DMRT1: variants seen among roughly 807,000 people sequenced by gnomAD.
DMRT1 encodes the protein doublesex- and mab-3-related transcription factor 1.
DMRT1 carries 7 observed loss-of-function variants against 32.3 expected under a neutral mutation model. The ratio of observed to expected loss-of-function variants is 0.22; its 90% confidence interval spans 0.12 to 0.41. The LOEUF (loss-of-function observed/expected upper bound fraction) is 0.41. Ranked by LOEUF, DMRT1 falls within the 10% of genes least tolerant of loss-of-function variation. DMRT1 has a pLI of 1.00. For missense variants in DMRT1, 625 were observed against 500.5 expected, an observed-to-expected ratio of 1.25 and a Z score of -2.37; for synonymous variants, 278 against 206.1, an observed-to-expected ratio of 1.35 and a Z score of -2.99.
At chr9:915,767 C>G (rs972456728) in intron 3 of DMRT1, among the ~76,000 whole-genome samples, 1 of 150,256 alleles carries the variant, frequency 6.7e-6, no homozygotes, top group African/African-American at 2.5e-5. Flanking sequence ...GAGTCTCGCT[C>G]TGTCGCCCAG....
chr9:933,229 C>G (rs1354384623), intron 4 of DMRT1, among the ~76,000 whole-genome samples: 1 of 152,132 alleles, frequency 6.6e-6, no homozygotes, highest in East Asian at 1.9e-4. Context: ...GAGCTCCAAG[C>G]TTTTAATCAA....
intron 2 of DMRT1, among the ~76,000 whole-genome samples, chr9:850,167 C>T (rs1589446195): frequency 1.3e-5 from 2 of 152,182 alleles, no homozygotes; most frequent in African/African-American, 2.4e-5. Flanking sequence ...GCAGGAGCCA[C>T]AGGTTGCTGT....
chr9:847,676 T>C (rs5012755), intron 2 of DMRT1, among the ~76,000 whole-genome samples: 106,221 of 151,820 alleles, frequency 0.7, 38,003 homozygotes, highest in Middle Eastern at 0.78. Flanking sequence ...TAGACAGTTA[T>C]GGGATTGGCC....
intron 4 of DMRT1, among the ~76,000 whole-genome samples, chr9:943,233 T>C (rs1354493025): frequency 1.3e-5 from 2 of 152,216 alleles, no homozygotes; most frequent in Non-Finnish European, 2.9e-5. Flanking sequence ...TCCAGAATCA[T>C]TCATCTGAGG....
intron 2 of DMRT1, among the ~76,000 whole-genome samples, chr9:870,475 T>C (rs1252142698): frequency 6.6e-6 from 1 of 152,038 alleles, no homozygotes; most frequent in East Asian, 1.9e-4. Context: ...TTTTGATGAG[T>C]CCGTCCCGTG....
chr9:900,899 C>T lies in DMRT1; in HGVS notation c.822+6704C>T, dbSNP rs2129669561. Reference sequence around the variant, plus strand: ...TAGAGATGGGGGTCTCAGTGTGGTGCCGAGGCTGGTCTTAAACTTTTGGCT... The same window carrying T: ...TAGAGATGGGGGTCTCAGTGTGGTGTCGAGGCTGGTCTTAAACTTTTGGCT... On this transcript the variant is annotated intron_variant, in intron 3 of 4. Transcript: ENST00000382276. Among the ~76,000 whole-genome samples the T allele has an allele frequency of 2.6e-5, 4 of 152,072 alleles. No individual in the cohort carries two copies. The Middle Eastern group carries it at 0.014, about 524-fold the overall frequency.
intron 2 of DMRT1, among the ~76,000 whole-genome samples, chr9:850,523 T>A (rs961373805): frequency 6.6e-6 from 1 of 152,246 alleles, no homozygotes; most frequent in Admixed American, 6.5e-5. Flanking sequence ...TGAAAGATCA[T>A]TGTTCTTCTA....
chr9:873,337 C>T (rs188709621), intron 2 of DMRT1, among the ~76,000 whole-genome samples: 97 of 149,130 alleles, frequency 6.5e-4, no homozygotes, highest in African/African-American at 2.3e-3. Context: ...TGGAGTTTTG[C>T]GCTTGTTGCC....
At chr9:861,767 G>A (rs1266848319) in intron 2 of DMRT1, among the ~76,000 whole-genome samples, 6 of 149,982 alleles carry the variant, frequency 4.0e-5, no homozygotes, top group African/African-American at 1.5e-4. Flanking sequence ...CTGCTGGGCG[G>A]AGATGCTCCC....
intron 3 of DMRT1, among the ~76,000 whole-genome samples, chr9:895,801 C>CT (rs1187539144): frequency 0.021 from 2,584 of 121,860 alleles, 42 homozygotes; most frequent in Non-Finnish European, 0.027. Context: ...ATAACTGAAA[C>CT]TTTTTTTTTT....
chr9:913,621 G>C (rs561264434), intron 3 of DMRT1, among the ~76,000 whole-genome samples: 6 of 151,594 alleles, frequency 4.0e-5, no homozygotes, highest in African/African-American at 1.5e-4. Flanking sequence ...TTAAGCTGGG[G>C]CAGTGGCTGA....
intron 3 of DMRT1, among the ~76,000 whole-genome samples, chr9:915,658 T>C (rs1818150982): frequency 6.6e-6 from 1 of 152,302 alleles, no homozygotes; most frequent in East Asian, 1.9e-4. Context: ...CAGCATGGCA[T>C]TGTGCTAATG....
chr9:921,389 A>G (rs1818349056), intron 4 of DMRT1, among the ~76,000 whole-genome samples: 1 of 152,164 alleles, frequency 6.6e-6, no homozygotes, highest in African/African-American at 2.4e-5. Flanking sequence ...TTAGCCGTTC[A>G]TCAGTTGAGG....
At chr9:913,603 T>G (rs1232660945) in intron 3 of DMRT1, among the ~76,000 whole-genome samples, 1 of 152,186 alleles carries the variant, frequency 6.6e-6, no homozygotes, top group Non-Finnish European at 1.5e-5. Context: ...GGTAATTTTT[T>G]TTTTTTTTTA....
At chr9:916,197 T>C (rs1818175249) in intron 3 of DMRT1, among the ~76,000 whole-genome samples, 1 of 152,208 alleles carries the variant, frequency 6.6e-6, no homozygotes, top group African/African-American at 2.4e-5. Flanking sequence ...TCCACCACCC[T>C]GTTCTCTTTT....
At chr9:887,051 C>T (rs548733780) in intron 2 of DMRT1, among the ~76,000 whole-genome samples, 5 of 152,240 alleles carry the variant, frequency 3.3e-5, no homozygotes, top group South Asian at 2.1e-4. Context: ...ATTAGCTGGG[C>T]GTGGTGGCGG....
chr9:949,386 A>C (rs1678821604), intron 4 of DMRT1, among the ~76,000 whole-genome samples: 1 of 151,960 alleles, frequency 6.6e-6, no homozygotes, highest in African/African-American at 2.4e-5. Flanking sequence ...AACCCCAAAA[A>C]ACCCACAAAA....
intron 2 of DMRT1, among the ~76,000 whole-genome samples, chr9:862,289 C>T (rs141109680): frequency 0.17 from 25,967 of 152,038 alleles, 2,463 homozygotes; most frequent in East Asian, 0.41. Flanking sequence ...CACTCGCGGT[C>T]AGGAGCTGGA....
At chr9:930,491 A>G (rs1255742836) in intron 4 of DMRT1, among the ~76,000 whole-genome samples, 1 of 151,642 alleles carries the variant, frequency 6.6e-6, no homozygotes, top group African/African-American at 2.4e-5. Flanking sequence ...GGCTCACTGC[A>G]AGCTCCGCCT....
Sources: allele counts gnomAD v4.1 joint callset (sites outside exome capture counted in the v4.1 genomes callset), GRCh38; gene constraint gnomAD v4.1.1; transcripts MANE v1.5; gene names NCBI Gene and HGNC (gene_info 2026-07-23, HGNC 2026-07-21).